PPM1B: variants seen among roughly 807,000 people sequenced by gnomAD.
PPM1B encodes protein phosphatase 1B.
PPM1B carries 22 observed loss-of-function variants against 43.0 expected under a neutral mutation model. That is an observed-to-expected ratio of 0.51 (90% confidence interval 0.37 to 0.73). The LOEUF is 0.73. Ranked by LOEUF, PPM1B falls within the 30% of genes least tolerant of loss-of-function variation. The probability of loss-of-function intolerance (pLI) is 0.00; values close to 1 mark genes in which losing one functional copy is unlikely to be tolerated. For synonymous variants in PPM1B, 217 were observed against 197.9 expected (o/e 1.10, Z -0.81); for missense variants, 632 against 584.2 (o/e 1.08, Z -0.84).
intron 4 of PPM1B, 67 bp from the exon 5 acceptor site, chr2:44,218,413 T>C (rs952280091): frequency 7.4e-6 from 9 of 1,208,314 alleles, no homozygotes; most frequent in African/African-American, 3.1e-5. Context: ...GGATGAAATA[T>C]TGAGATATTC....
chr2:44,236,402 C>CAAA (rs61414038), downstream of PPM1B, among the ~76,000 whole-genome samples: 1,377 of 47,448 alleles, frequency 0.029, 159 homozygotes, highest in African/African-American at 0.062. Flanking sequence ...GACTCCGTCT[C>CAAA]AAAAAAAAAA....
At chr2:44,209,053 A>T (rs879710199) in intron 2 of PPM1B, among the ~76,000 whole-genome samples, 157 bp from the exon 3 acceptor site, 1 of 152,232 alleles carries the variant, frequency 6.6e-6, no homozygotes, top group Non-Finnish European at 1.5e-5. Context: ...TGTTTCTTCA[A>T]GTTGTGTTTT....
At chr2:44,221,851 A>C (rs556263866) in intron 5 of PPM1B, among the ~76,000 whole-genome samples, 1 of 152,278 alleles carries the variant, frequency 6.6e-6, no homozygotes, top group East Asian at 1.9e-4. Flanking sequence ...ATATTCAGAA[A>C]GGTTACTATT....
In PPM1B at chr2:44,243,598, T is replaced by C. The variant is rs73924244; in HGVS notation, n.1547-630T>C. Among the ~76,000 whole-genome samples the C allele has an allele frequency of 4.7e-3, 714 of 152,318 alleles. 10 individuals are homozygous for C. Among genetic ancestry groups the C allele is most frequent in the African/African-American group, 0.016 (683 of 41,584 alleles). Reference sequence around the variant, plus strand: ...TATAGATTTTTCCATTATCCCTTTATACCAGCTGTTACATAAGCCAATCTT... The same window carrying C: ...TATAGATTTTTCCATTATCCCTTTACACCAGCTGTTACATAAGCCAATCTT... On this transcript the variant is annotated intron_variant and non_coding_transcript_variant, in intron 5 of 5. Coordinates refer to the PPM1B transcript ENST00000378540.
chr2:44,224,128 T>A (rs79697772), intron 5 of PPM1B, among the ~76,000 whole-genome samples: 406 of 152,254 alleles, frequency 2.7e-3, no homozygotes, highest in Middle Eastern at 0.01. Context: ...TAGTGTTTAC[T>A]TTTTCTCTAC....
At chr2:44,179,305 G>A (rs1558388925) in intron 1 of PPM1B, among the ~76,000 whole-genome samples, 1 of 152,154 alleles carries the variant, frequency 6.6e-6, no homozygotes, top group Admixed American at 6.5e-5. Context: ...GTCTTTATCT[G>A]CAGTGTGAAA....
chr2:44,233,363 C>T, downstream of PPM1B: 1 of 984,020 alleles, frequency 1.0e-6, no homozygotes, highest in Non-Finnish European at 1.2e-6. Flanking sequence ...GGGCACGGTA[C>T]AGAGTGATTG....
At chr2:44,173,986 C>T (rs1477099239) in intron 1 of PPM1B, among the ~76,000 whole-genome samples, 2 of 152,166 alleles carry the variant, frequency 1.3e-5, no homozygotes, top group African/African-American at 4.8e-5. Flanking sequence ...TGTTTAACCT[C>T]AAGAACCTTG....
At chr2:44,232,382 A>G (rs780138367), downstream of PPM1B, 1 of 1,594,560 alleles carries the variant, frequency 6.3e-7, no homozygotes, top group African/African-American at 1.4e-5. Context: ...GATTCTGAAA[A>G]TTGGGGGAAA....
Position 44,231,144 on chromosome 2 carries a change from T to TA in PPM1B, c.*428dup, listed in dbSNP as rs1305315381. On this transcript the variant is annotated 3_prime_UTR_variant, in exon 6 of 6. Coordinates refer to ENST00000282412, the MANE Select transcript of PPM1B (RefSeq NM_002706.6). Reference sequence around the variant, plus strand: ...TGTAATAAATTTATGTTTTCTTTAATAATTTTAGTTCTTCAAAGAATGGCT... The same window carrying TA: ...TGTAATAAATTTATGTTTTCTTTAATAAATTTTAGTTCTTCAAAGAATGGCT... 1 of 956,378 alleles carries TA rather than the reference T, an allele frequency of 1.0e-6. No homozygotes were observed. Among genetic ancestry groups the TA allele is most frequent in the Non-Finnish European group, 1.2e-6 (1 of 803,652 alleles). 59.2% of individuals were successfully genotyped at this position (956,378 alleles called of 1,614,324 possible).
chr2:44,233,154 T>C, downstream of PPM1B: 2 of 963,296 alleles, frequency 2.1e-6, no homozygotes, highest in Non-Finnish European at 2.5e-6. Context: ...TACATGTGGG[T>C]TTCTATAGTT....
chr2:44,228,008 G>A (rs188044178), intron 5 of PPM1B, among the ~76,000 whole-genome samples: 2 of 135,738 alleles, frequency 1.5e-5, no homozygotes, highest in Admixed American at 8.3e-5. Context: ...TGCAACCTCC[G>A]CCCTCCGAGT....
At chr2:44,236,040 A>C (rs1407985210), downstream of PPM1B, among the ~76,000 whole-genome samples, 1 of 152,098 alleles carries the variant, frequency 6.6e-6, no homozygotes, top group Non-Finnish European at 1.5e-5. Flanking sequence ...TACCACCAAG[A>C]GTCATAATTT....
rs553784794 is a variant in PPM1B at position 44,194,853 on chromosome 2, A to G, written c.-14-6333A>G. 5.3e-4 allele frequency among the ~76,000 whole-genome samples: 79 copies of G among 150,146 alleles called. 1 individual carries two copies. In the South Asian group the frequency reaches 0.015, roughly 28 times the overall value. ...CTAAATCTGCTGTCTCTAAACCCAG[A>G]GTCTCTATAGTTCACTCTTTGCAAG... On this transcript the variant is annotated intron_variant, in intron 1 of 5. Coordinates refer to ENST00000282412, the MANE Select transcript of PPM1B (RefSeq NM_002706.6).
At chr2:44,173,444 C>T (rs773641047) in intron 1 of PPM1B, among the ~76,000 whole-genome samples, 3 of 151,686 alleles carry the variant, frequency 2.0e-5, no homozygotes, top group Non-Finnish European at 2.9e-5. Context: ...TCTCATACTT[C>T]GTAGTTTTCC....
rs76711570 is a variant in PPM1B at position 44,178,964 on chromosome 2, A to G, written c.-15+9690A>G. Among the ~76,000 whole-genome samples the G allele has an allele frequency of 3.8e-3, 586 of 152,338 alleles. 3 individuals carry two copies. The highest frequency in any genetic ancestry group is 0.014 in the African/African-American group (566 of 41,584). ...TTAGATATTTTGCATTCTTTTAAAAAATATTAAATGGTGTGATTGGGCTGT... is the reference window on the plus strand; with the variant it reads ...TTAGATATTTTGCATTCTTTTAAAAGATATTAAATGGTGTGATTGGGCTGT... On this transcript the variant is annotated intron_variant, in intron 1 of 5. Coordinates refer to ENST00000282412, the MANE Select transcript of PPM1B (RefSeq NM_002706.6).
At chr2:44,177,733 C>G (rs1421549965) in intron 1 of PPM1B, among the ~76,000 whole-genome samples, 2 of 151,442 alleles carry the variant, frequency 1.3e-5, no homozygotes, top group Non-Finnish European at 2.9e-5. Context: ...GTATGTATTT[C>G]TAAATAGCAT....
intron 1 of PPM1B, among the ~76,000 whole-genome samples, chr2:44,169,970 G>A (rs1480404310): frequency 6.6e-6 from 1 of 151,996 alleles, no homozygotes; most frequent in Non-Finnish European, 1.5e-5. Flanking sequence ...AGCCATATGT[G>A]GTAAATCAGT....
chr2:44,173,278 T>C (rs1423145660), intron 1 of PPM1B, among the ~76,000 whole-genome samples: 1 of 152,278 alleles, frequency 6.6e-6, no homozygotes, highest in African/African-American at 2.4e-5. Context: ...AAAAGTGTAA[T>C]CTATATAGTG....
Sources: allele counts gnomAD v4.1 joint callset (sites outside exome capture counted in the v4.1 genomes callset), GRCh38; gene constraint gnomAD v4.1.1; transcripts MANE v1.5; gene names NCBI Gene and HGNC (gene_info 2026-07-23, HGNC 2026-07-21).